UMODL1: variants seen among roughly 807,000 people sequenced by gnomAD.
UMODL1 encodes the protein uromodulin like 1.
In UMODL1, 128 loss-of-function variants were observed where a neutral mutation model predicts 136.3. The observed-to-expected ratio is 0.94, with a 90% CI of 0.81 to 1.09. The LOEUF (loss-of-function observed/expected upper bound fraction) is 1.09, where lower values mean the gene tolerates loss of function less well. Ranked by LOEUF, UMODL1 falls within the 50% of genes least tolerant of loss-of-function variation. The pLI, the probability that UMODL1 is intolerant of heterozygous loss-of-function variation, is 0.00. For synonymous variants in UMODL1, 721 were observed against 720.0 expected, an observed-to-expected ratio of 1.00 and a Z score of -0.02; for missense variants, 1,766 against 1,725.6, an observed-to-expected ratio of 1.02 and a Z score of -0.41.
chr21:42,121,993 G>A (rs1380331264), intron 16 of UMODL1, among the ~76,000 whole-genome samples: 1 of 152,190 alleles, frequency 6.6e-6, no homozygotes, highest in East Asian at 1.9e-4. Context: ...GGGTGGCAGA[G>A]AGCGAGAAGC....
chr21:42,082,386 G>C (rs545205406), intron 2 of UMODL1, among the ~76,000 whole-genome samples: 2 of 152,196 alleles, frequency 1.3e-5, no homozygotes, highest in Non-Finnish European at 2.9e-5. Flanking sequence ...CCAGGACCCA[G>C]TTACCAGCTG....
chr21:42,090,288 T>C lies in UMODL1; in HGVS notation c.791-10T>C, dbSNP rs180876218. 1,700 of 1,614,078 alleles carry C rather than the reference T, an allele frequency of 1.1e-3. 7 individuals are homozygous for C. The highest frequency in any genetic ancestry group is 3.3e-3 in the Middle Eastern group (20 of 6,058). ...CTGCTGAGTGTGGGTCCTGCTCTCC[T>C]TCCCTGTAGATGTCAATGAGTGTTT... On this transcript the variant is annotated splice_polypyrimidine_tract_variant and intron_variant, in intron 5 of 22. Coordinates refer to ENST00000408910, the MANE Select transcript of UMODL1 (RefSeq NM_001004416.3).
intron 2 of UMODL1, among the ~76,000 whole-genome samples, chr21:42,083,423 C>T (rs961943458): frequency 6.6e-6 from 1 of 152,222 alleles, no homozygotes; most frequent in Non-Finnish European, 1.5e-5. Context: ...ATGCTGCACT[C>T]ACCTGCACTG....
chr21:42,133,017 C>T (rs185345017), intron 21 of UMODL1, among the ~76,000 whole-genome samples: 12 of 152,378 alleles, frequency 7.9e-5, no homozygotes, highest in East Asian at 3.9e-4. Context: ...TAATTTCTCA[C>T]GTTCAAGAAC....
intron 2 of UMODL1, 61 bp from the exon 3 acceptor site, chr21:42,084,023 G>T: frequency 6.3e-7 from 1 of 1,582,616 alleles, no homozygotes; most frequent in Non-Finnish European, 8.6e-7. Flanking sequence ...TGAGGTCCCC[G>T]TGCAGCAAAT....
rs2066415450 is a variant in UMODL1 at position 42,085,461 on chromosome 21, T to G, written c.603+49T>G. 1.2e-6 allele frequency: 2 copies of G among 1,612,060 alleles called. No individual in the cohort carries two copies. Among genetic ancestry groups the G allele is most frequent in the Non-Finnish European group, 1.7e-6 (2 of 1,179,504 alleles). Reference sequence around the variant, plus strand: ...CCTGCACCCTCCTTGTGGCAGCTGCTCAGGCAGACCCAGGTATGGGGCCGT... The same window carrying G: ...CCTGCACCCTCCTTGTGGCAGCTGCGCAGGCAGACCCAGGTATGGGGCCGT... On this transcript the variant is annotated intron_variant, in intron 4 of 22. Transcript: ENST00000408910. This position sits in a 1 kb window ranked among gnomAD's most constrained non-coding sequence, Gnocchi z 4.5.
At chr21:42,128,125 A>G (rs996018606) in intron 20 of UMODL1, 3 of 548,412 alleles carry the variant, frequency 5.5e-6, no homozygotes, top group South Asian at 1.5e-5. Flanking sequence ...CTGCCTTGCC[A>G]TGATACCTAG....
chr21:42,094,089 G>A (rs2066525002), intron 6 of UMODL1: 1 of 392,434 alleles, frequency 2.5e-6, no homozygotes, highest in Admixed American at 2.8e-5. Context: ...TTCTATTTAC[G>A]GTTAGGTTTG....
intron 6 of UMODL1, chr21:42,093,529 A>T: frequency 5.1e-6 from 1 of 196,780 alleles, no homozygotes; most frequent in South Asian, 8.4e-5. Context: ...TAAGGTTCTG[A>T]TTGGCTCTTC....
rs779871424 is a variant in UMODL1 at position 42,088,341 on chromosome 21, C to T, written c.651C>T (p.His217=). The T allele has an allele frequency of 1.9e-6, 3 of 1,613,848 alleles. No homozygotes were observed. The highest frequency in any genetic ancestry group is 1.3e-5 in the African/African-American group (1 of 74,934). Residue 217 remains histidine (H), a synonymous_variant, in exon 5 of 23, where the codon CAC becomes CAT. Transcript: ENST00000408910. The stretch of plus-strand genomic sequence containing the variant: ...TGGCCTCCACCGTCCACCACCTGCA[C>T]TCAGCCCCTGGGAACGCCTCCACCA... ...QPMASTVHHL[H]SAPGNASTTV...
chr21:42,135,571 C>G (rs533454023), intron 21 of UMODL1, among the ~76,000 whole-genome samples: 1 of 152,194 alleles, frequency 6.6e-6, no homozygotes. Flanking sequence ...AGGGCGGCAC[C>G]CCCCCTTGTG....
At chr21:42,064,205 T>A (rs1294205473) in intron 1 of UMODL1, among the ~76,000 whole-genome samples, 1 of 152,042 alleles carries the variant, frequency 6.6e-6, no homozygotes, top group African/African-American at 2.4e-5. Context: ...TCTGATCTGA[T>A]TGGATTAATA....
intron 9 of UMODL1, among the ~76,000 whole-genome samples, 162 bp from the exon 10 acceptor site, chr21:42,109,400 G>A (rs1446011751): frequency 2.6e-5 from 4 of 151,284 alleles, no homozygotes; most frequent in African/African-American, 4.9e-5. Context: ...CAGGCAGGCC[G>A]TAAGGTTGTC....
chr21:42,074,134 T>G (rs151215866), intron 1 of UMODL1, among the ~76,000 whole-genome samples: 3 of 152,254 alleles, frequency 2.0e-5, no homozygotes, highest in African/African-American at 7.2e-5. Flanking sequence ...AAGTCTAAGA[T>G]GAAGTTGCGG....
Position 42,123,893 on chromosome 21 carries a change from C to T in UMODL1, c.3147+743C>T, listed in dbSNP as rs2067015336. 6.6e-6 allele frequency among the ~76,000 whole-genome samples: 1 copy of T among 152,156 alleles called. No homozygotes were observed. Among genetic ancestry groups the T allele is most frequent in the Admixed American group, 6.5e-5 (1 of 15,280 alleles). On this transcript the variant is annotated intron_variant, in intron 17 of 22. Coordinates refer to ENST00000408910, the MANE Select transcript of UMODL1 (RefSeq NM_001004416.3). This position sits in a 1 kb window ranked among gnomAD's most constrained non-coding sequence, Gnocchi z 4.4. Reference sequence around the variant, plus strand: ...AGCGAACATTCTCTATTTCAGGGTCCTGGATGGGCTGTGGGGCTCCCGGGA... The same window carrying T: ...AGCGAACATTCTCTATTTCAGGGTCTTGGATGGGCTGTGGGGCTCCCGGGA...
At chr21:42,105,507 C>T (rs1317816383) in intron 9 of UMODL1, among the ~76,000 whole-genome samples, 5 of 152,180 alleles carry the variant, frequency 3.3e-5, no homozygotes, top group Admixed American at 6.5e-5. Flanking sequence ...CAGAATGTGA[C>T]CTTATTTAGA....
intron 13 of UMODL1, among the ~76,000 whole-genome samples, chr21:42,115,636 G>A (rs984925825): frequency 2.6e-5 from 4 of 152,174 alleles, no homozygotes; most frequent in African/African-American, 7.2e-5. Context: ...TTGCAGGGGC[G>A]AGCTGGCTCT....
chr21:42,074,580 C>T (rs114965259), intron 1 of UMODL1, among the ~76,000 whole-genome samples: 317 of 152,206 alleles, frequency 2.1e-3, no homozygotes, highest in African/African-American at 7.2e-3. Flanking sequence ...GGAGTAATCA[C>T]GTTGATGGAG....
rs1300893411 is a variant in UMODL1, at chr21:42,111,052, A to G, written c.1830A>G (p.Ser610=). The G allele has an allele frequency of 6.2e-7, 1 of 1,613,314 alleles. No homozygotes were observed. Among genetic ancestry groups the G allele is most frequent in the Admixed American group, 1.7e-5 (1 of 59,908 alleles). Residue 610 remains serine, a synonymous_variant, in exon 11 of 23, where the codon TCA becomes TCG. Coordinates refer to ENST00000408910, the MANE Select transcript of UMODL1 (RefSeq NM_001004416.3). ...AAGQAWTPEP[S]PRRGGSNVVG... ...GCCAGGCCTGGACCCCAGAGCCCTC[A>G]CCCAGAAGAGGGGGCAGCAATGTGG...
Sources: gnomAD v4.1 joint callset for allele counts (sites outside exome capture counted in the v4.1 genomes callset) on GRCh38, gnomAD v4.1.1 for gene constraint, Gnocchi (gnomAD v3.1) non-coding constraint, MANE v1.5 for transcripts, NCBI Gene and HGNC (gene_info 2026-07-23, HGNC 2026-07-21) for gene names.